The following MARCHF11 variants were observed in gnomAD, a reference collection of about 807,000 sequenced individuals.
MARCHF11 encodes E3 ubiquitin-protein ligase MARCHF11.
Under a neutral mutation model 37.3 loss-of-function variants are expected in MARCHF11, and 29 were observed. The observed-to-expected ratio is 0.78, with a 90% CI of 0.58 to 1.06. MARCHF11 has a LOEUF of 1.06. Among genes scored for constraint, MARCHF11 ranks in the 50% least tolerant of loss-of-function variants. MARCHF11 has a pLI of 0.00. For missense variants in MARCHF11, 482 were observed against 533.4 expected, an observed-to-expected ratio of 0.90 and a Z score of 0.95; for synonymous variants, 233 against 228.0, an observed-to-expected ratio of 1.02 and a Z score of -0.20.
chr5:16,069,028 A>T (rs1454500545), intron 3 of MARCHF11, among the ~76,000 whole-genome samples: 1 of 152,222 alleles, frequency 6.6e-6, no homozygotes, highest in Non-Finnish European at 1.5e-5. Context: ...GAAGTAAGTT[A>T]AAAAATGTTT....
At position 16,067,493 on chromosome 5, in the gene MARCHF11, A is replaced by C; in HGVS notation, c.1187T>G (p.Val396Gly). ...LSEDNSSGEV[V>G]MRVTSV ...TTGTCACACTGAAGTCACTCTCATC[A>C]CAACCTCCCCCGAGCTGTTATCTTC... is the stretch of plus-strand genomic sequence containing the variant. Residue 396 changes from valine (V) to glycine (G), a missense_variant, in exon 4 of 4, where the codon GTG (valine) becomes GGG (glycine). Val to Gly is a moderately radical substitution (Grantham distance 109). Transcript: ENST00000332432. The C allele has an allele frequency of 6.2e-7, 1 of 1,613,560 alleles. No homozygotes were observed. Among genetic ancestry groups the C allele is most frequent in the Non-Finnish European group, 8.5e-7 (1 of 1,179,526 alleles).
chr5:16,082,377 G>C (rs984344943), intron 3 of MARCHF11, among the ~76,000 whole-genome samples: 5 of 152,178 alleles, frequency 3.3e-5, no homozygotes, highest in Non-Finnish European at 7.3e-5. Context: ...TTTAAGAAAT[G>C]ATTCCTAATG....
chr5:16,091,480 C>T (rs934912419), intron 2 of MARCHF11, among the ~76,000 whole-genome samples: 3 of 151,882 alleles, frequency 2.0e-5, no homozygotes, highest in Non-Finnish European at 4.4e-5. Context: ...ATACATTTGG[C>T]TACTGCAAAA....
chr5:16,071,390 T>C (rs1279277918), intron 3 of MARCHF11, among the ~76,000 whole-genome samples: 1 of 152,240 alleles, frequency 6.6e-6, no homozygotes, highest in African/African-American at 2.4e-5. Flanking sequence ...TTACTAGTAA[T>C]GTTTAACTGG....
chr5:16,178,633 G>A (rs1738404908), intron 1 of MARCHF11, among the ~76,000 whole-genome samples: 1 of 152,162 alleles, frequency 6.6e-6, no homozygotes, highest in African/African-American at 2.4e-5. Context: ...TGCCCTTTCT[G>A]GTTGTGATAT....
chr5:16,161,637 G>T lies in MARCHF11; in HGVS notation c.693+16089C>A, dbSNP rs573817876. Among the ~76,000 whole-genome samples, 29 of 151,994 alleles carry T rather than the reference G, an allele frequency of 1.9e-4. No homozygotes were observed. The South Asian group carries it at 6.0e-3, about 32-fold the overall frequency. On this transcript the variant is annotated intron_variant, in intron 2 of 3. Transcript: ENST00000332432. ...AGATTCAAAAAATACTGGCTTCCCA[G>T]CATCTTACCACACTGATAAATGGAA...
intron 3 of MARCHF11, among the ~76,000 whole-genome samples, chr5:16,072,424 G>C (rs1446251228): frequency 6.6e-6 from 1 of 152,126 alleles, no homozygotes; most frequent in Non-Finnish European, 1.5e-5. Flanking sequence ...AGGGTTAGAT[G>C]AGATTGTGAG....
At chr5:16,104,541 A>G (rs1737005579) in intron 2 of MARCHF11, among the ~76,000 whole-genome samples, 1 of 152,194 alleles carries the variant, frequency 6.6e-6, no homozygotes, top group South Asian at 2.1e-4. Context: ...AATGAATAAA[A>G]TCTTCTTTCA....
intron 2 of MARCHF11, among the ~76,000 whole-genome samples, chr5:16,158,870 G>A (rs139747714): frequency 6.7e-4 from 101 of 151,758 alleles, no homozygotes; most frequent in African/African-American, 2.3e-3. Flanking sequence ...CGCACCCCTC[G>A]ACAGGCCCCA....
intron 3 of MARCHF11, among the ~76,000 whole-genome samples, chr5:16,084,790 A>G (rs1291727160): frequency 1.3e-5 from 2 of 151,316 alleles, no homozygotes; most frequent in Non-Finnish European, 2.9e-5. Context: ...TATAACTGGT[A>G]CAATAAGAAG....
chr5:16,154,889 A>T (rs979529522), intron 2 of MARCHF11, among the ~76,000 whole-genome samples: 2 of 151,850 alleles, frequency 1.3e-5, no homozygotes, highest in Non-Finnish European at 2.9e-5. Flanking sequence ...ATGCTGATGG[A>T]GGCTCATACC....
rs553872458 is a variant in MARCHF11 at position 16,138,667 on chromosome 5, G to A, written c.693+39059C>T. Among the ~76,000 whole-genome samples the A allele has an allele frequency of 9.2e-5, 14 of 152,268 alleles. No homozygotes were observed. The East Asian group carries it at 1.6e-3, about 17-fold the overall frequency. On this transcript the variant is annotated intron_variant, in intron 2 of 3. Transcript: ENST00000332432. ...GAAAAGCTGCAGACAATGCCAACTC[G>A]TGAAAACAGCCAGGATAGGGGCTGT... is the stretch of plus-strand genomic sequence containing the variant.
intron 2 of MARCHF11, among the ~76,000 whole-genome samples, chr5:16,093,269 T>G (rs1400904605): frequency 6.6e-6 from 1 of 152,210 alleles, no homozygotes; most frequent in Non-Finnish European, 1.5e-5. Flanking sequence ...TACTGATATC[T>G]ATTTTCTGTT....
intron 2 of MARCHF11, among the ~76,000 whole-genome samples, chr5:16,173,882 T>C (rs1303959081): frequency 6.6e-6 from 1 of 152,230 alleles, no homozygotes. Context: ...CAGGTAGCAT[T>C]GTCATCTCCT....
chr5:16,152,555 C>T (rs1737905705), intron 2 of MARCHF11, among the ~76,000 whole-genome samples: 1 of 151,940 alleles, frequency 6.6e-6, no homozygotes, highest in Non-Finnish European at 1.5e-5. Context: ...ACGGTTTTCA[C>T]AGCAAAATCA....
chr5:16,130,540 A>T (rs1328984591), intron 2 of MARCHF11, among the ~76,000 whole-genome samples: 1 of 152,172 alleles, frequency 6.6e-6, no homozygotes, highest in African/African-American at 2.4e-5. Context: ...TAGAGAGGAT[A>T]AACTGTTCTT....
At chr5:16,096,662 A>G (rs1736874351) in intron 2 of MARCHF11, among the ~76,000 whole-genome samples, 1 of 152,230 alleles carries the variant, frequency 6.6e-6, no homozygotes, top group South Asian at 2.1e-4. Flanking sequence ...TACTGCCTTC[A>G]GCGAATAAAG....
At chr5:16,138,391 TG>T (rs1342503808) in intron 2 of MARCHF11, among the ~76,000 whole-genome samples, 1 of 152,122 alleles carries the variant, frequency 6.6e-6, no homozygotes, top group Admixed American at 6.5e-5. Context: ...AGTAAAGAAA[TG>T]AGATTTGCGA....
chr5:16,160,603 A>C (rs1295616466), intron 2 of MARCHF11, among the ~76,000 whole-genome samples: 1 of 151,550 alleles, frequency 6.6e-6, no homozygotes, highest in Non-Finnish European at 1.5e-5. Flanking sequence ...TATATTCTTA[A>C]GATAATTTAG....
Sources: allele counts gnomAD v4.1 joint callset (sites outside exome capture counted in the v4.1 genomes callset), GRCh38; gene constraint gnomAD v4.1.1; transcripts MANE v1.5; gene names NCBI Gene and HGNC (gene_info 2026-07-23, HGNC 2026-07-21).